Variants in DOCK9 observed in about 807,000 individuals in gnomAD.
The protein encoded by DOCK9 is dedicator of cytokinesis protein 9.
A neutral mutation model predicts 263.3 loss-of-function variants in DOCK9; 89 were observed. The ratio of observed to expected loss-of-function variants is 0.34; its 90% CI spans 0.28 to 0.40. DOCK9 has a LOEUF of 0.40. Ranked by LOEUF, DOCK9 falls within the 10% of genes least tolerant of loss-of-function variation. The pLI is 1.00. For synonymous variants in DOCK9, 976 were observed against 973.1 expected (o/e 1.00, Z -0.06); for missense variants, 2,140 against 2,603.4 (o/e 0.82, Z 3.87).
chr13:98,826,085 A>G (rs921392862), intron 44 of DOCK9: 2 of 531,740 alleles, frequency 3.8e-6, no homozygotes, highest in East Asian at 3.5e-5. Context: ...AGAAATATAC[A>G]GTCTGTGGCC....
chr13:98,954,502 CTT>C (rs2057800385), intron 2 of DOCK9, among the ~76,000 whole-genome samples: 1 of 152,212 alleles, frequency 6.6e-6, no homozygotes, highest in African/African-American at 2.4e-5. Context: ...TTGTTAGTCT[CTT>C]AACCACAGGC....
intron 29 of DOCK9, 95 bp downstream of exon 29, chr13:98,867,833 A>C: frequency 8.3e-7 from 1 of 1,205,480 alleles, no homozygotes; most frequent in South Asian, 1.5e-5. Context: ...AAAAATTAGT[A>C]AGGCAGAGCT....
In DOCK9 at chr13:99,004,794, C is replaced by G. The variant is rs993225002; in HGVS notation, c.130-49243G>C. Among the ~76,000 whole-genome samples, 1,237 of 146,742 alleles carry G rather than the reference C, an allele frequency of 8.4e-3. 6 individuals are homozygous for G. Among genetic ancestry groups the G allele is most frequent in the Non-Finnish European group, 0.013 (876 of 66,210 alleles). ...GACCAAAAAACTATAGACACACACA[C>G]ACACACACACACACACACACACACA... On this transcript the variant is annotated intron_variant, in intron 1 of 32. Coordinates refer to the DOCK9 transcript ENST00000427887.
At chr13:98,869,679 C>A (rs550603748) in intron 27 of DOCK9, among the ~76,000 whole-genome samples, 10 of 152,342 alleles carry the variant, frequency 6.6e-5, no homozygotes, top group African/African-American at 2.4e-4. Flanking sequence ...TGTCTTCCTC[C>A]TTTTAGTAAC....
At chr13:98,853,680 C>T (rs1444681077) in intron 34 of DOCK9, among the ~76,000 whole-genome samples, 158 bp from the exon 35 acceptor site, 2 of 152,110 alleles carry the variant, frequency 1.3e-5, no homozygotes, top group African/African-American at 2.4e-5. Context: ...GGCACCCTTT[C>T]GCCCAAATAT....
chr13:98,849,573 T>C (rs1209170622), intron 36 of DOCK9, among the ~76,000 whole-genome samples: 1 of 152,156 alleles, frequency 6.6e-6, no homozygotes. Flanking sequence ...GGATTGTAAA[T>C]TCACGTTTCT....
Position 98,956,655 on chromosome 13 carries a change from G to C in DOCK9, c.127-1104C>G, listed in dbSNP as rs2058093327. ...CCAGCTACTCGGGAGGCCGAGGCAC[G>C]AGAATTACTTGAACTGGGGAGGCGG... On this transcript the variant is annotated intron_variant, in intron 1 of 52. Transcript: ENST00000682017. Among the ~76,000 whole-genome samples, 7 of 152,184 alleles carry C rather than the reference G, an allele frequency of 4.6e-5. 1 individual carries two copies. In the Middle Eastern group the frequency reaches 0.014, roughly 296 times the overall value.
At chr13:98,974,882 GA>G (rs146584913) in intron 1 of DOCK9, among the ~76,000 whole-genome samples, 4,191 of 152,032 alleles carry the variant, frequency 0.028, 179 homozygotes, top group African/African-American at 0.096. Context: ...TGGCAGAGGA[GA>G]AAAAACATTA....
At chr13:98,906,808 A>C (rs1332984190) in intron 9 of DOCK9, among the ~76,000 whole-genome samples, 1 of 152,192 alleles carries the variant, frequency 6.6e-6, no homozygotes, top group Non-Finnish European at 1.5e-5. Context: ...CAGAATACTA[A>C]GAAACTGGGT....
At chr13:98,973,286 A>C (rs1423625731) in intron 1 of DOCK9, among the ~76,000 whole-genome samples, 8 of 152,186 alleles carry the variant, frequency 5.3e-5, no homozygotes, top group Non-Finnish European at 1.2e-4. Flanking sequence ...ATCATTGCCC[A>C]TAAGCTTATA....
intron 15 of DOCK9, among the ~76,000 whole-genome samples, chr13:98,895,532 G>T (rs1219990201): frequency 2.6e-5 from 4 of 151,680 alleles, no homozygotes; most frequent in Non-Finnish European, 4.4e-5. Flanking sequence ...AGGCGTAGTG[G>T]TGGGCGCCTA....
intron 37 of DOCK9, chr13:98,846,444 A>G: frequency 8.5e-7 from 1 of 1,178,408 alleles, no homozygotes; most frequent in Admixed American, 1.9e-5. Context: ...TTTTTAATTA[A>G]AAAATGCATT....
intron 1 of DOCK9, among the ~76,000 whole-genome samples, chr13:99,037,640 C>T (rs369170905): frequency 2.1e-4 from 32 of 152,310 alleles, no homozygotes; most frequent in African/African-American, 6.7e-4. Flanking sequence ...AATTAAAACA[C>T]ATATCCATAT....
chr13:99,052,767 CT>C (rs538480665), intron 1 of DOCK9, among the ~76,000 whole-genome samples: 593 of 139,060 alleles, frequency 4.3e-3, no homozygotes, highest in Admixed American at 4.6e-3. Context: ...CACCAGCCTT[CT>C]TTTTTTTTTT....
At chr13:99,050,949 A>C (rs1284200551) in intron 1 of DOCK9, among the ~76,000 whole-genome samples, 1 of 152,256 alleles carries the variant, frequency 6.6e-6, no homozygotes, top group East Asian at 1.9e-4. Context: ...CGTAAGGCCA[A>C]GCACAAGCAG....
Position 98,897,550 on chromosome 13 carries a change from G to A in DOCK9, c.1647C>T (p.Tyr549=), listed in dbSNP as rs746164242. Reference sequence around the variant, plus strand: ...TGGATAGCTTATTGCTGTCTTGCCTGTAGATGGCAGAAAATCTGGCATTTT... The same window carrying A: ...TGGATAGCTTATTGCTGTCTTGCCTATAGATGGCAGAAAATCTGGCATTTT... The part of the protein sequence containing the change: ...LDKNARFSAI[Y]RQDSNKLSND... Residue 549 remains tyrosine, a synonymous_variant, in exon 15 of 53, where the codon TAC becomes TAT. Coordinates refer to ENST00000682017, the MANE Select transcript of DOCK9 (RefSeq NM_001366683.2). The A allele has an allele frequency of 3.1e-6, 5 of 1,613,972 alleles. No individual in the cohort carries two copies. Among genetic ancestry groups the A allele is most frequent in the Admixed American group, 1.7e-5 (1 of 60,026 alleles).
At chr13:99,013,280 G>A (rs1884828758) in intron 1 of DOCK9, among the ~76,000 whole-genome samples, 1 of 151,918 alleles carries the variant, frequency 6.6e-6, no homozygotes, top group South Asian at 2.1e-4. Flanking sequence ...TGATTATTTT[G>A]TTGTTGTTGT....
chr13:98,891,099 T>C (rs2046547890), intron 15 of DOCK9, among the ~76,000 whole-genome samples: 1 of 152,080 alleles, frequency 6.6e-6, no homozygotes, highest in South Asian at 2.1e-4. Flanking sequence ...GATCCTTTCC[T>C]GTTGGTGGGA....
chr13:99,006,931 A>T (rs1255233324), intron 1 of DOCK9, among the ~76,000 whole-genome samples: 1 of 152,072 alleles, frequency 6.6e-6, no homozygotes, highest in African/African-American at 2.4e-5. Flanking sequence ...TCTCTATAAG[A>T]AATACAAAAA....
Sources: allele counts gnomAD v4.1 joint callset (sites outside exome capture counted in the v4.1 genomes callset), GRCh38; gene constraint gnomAD v4.1.1; transcripts MANE v1.5; gene names NCBI Gene and HGNC (gene_info 2026-07-23, HGNC 2026-07-21).